CA5B: variants seen among roughly 807,000 people sequenced by gnomAD.
CA5B encodes the protein carbonic anhydrase 5B, mitochondrial.
Under a neutral mutation model 23.1 loss-of-function variants are expected in CA5B, and 15 were observed. The ratio of observed to expected loss-of-function variants is 0.65; its 90% CI spans 0.43 to 1.00. The LOEUF (loss-of-function observed/expected upper bound fraction) is 1.00, where lower values mean the gene tolerates loss of function less well. Ranked by LOEUF, CA5B falls within the 50% of genes least tolerant of loss-of-function variation. The pLI, the probability that CA5B is intolerant of heterozygous loss-of-function variation, is 0.00. For synonymous variants in CA5B, 84 were observed against 98.5 expected, an observed-to-expected ratio of 0.85 and a Z score of 0.87; for missense variants, 236 against 252.2, an observed-to-expected ratio of 0.94 and a Z score of 0.43.
intron 3 of CA5B, among the ~76,000 whole-genome samples, chrX:15,769,131 A>G (rs1931769633): frequency 8.9e-6 from 1 of 112,045 alleles, no homozygotes. Flanking sequence ...ACGAGCAGAA[A>G]TCAATGAAAT....
chrX:15,777,826 A>T (rs920070064), intron 7 of CA5B, among the ~76,000 whole-genome samples: 6 of 112,416 alleles, frequency 5.3e-5, no homozygotes, highest in African/African-American at 1.9e-4. Flanking sequence ...CTATCTTGAT[A>T]AAAGAGATTG....
chrX:15,771,014 C>T (rs1317930187), intron 3 of CA5B, among the ~76,000 whole-genome samples: 22 of 107,027 alleles, frequency 2.1e-4, no homozygotes, highest in Non-Finnish European at 3.9e-5. Context: ...ATGATCCGCC[C>T]GCCTCAGCCT....
chrX:15,767,158 C>T, intron 3 of CA5B: 4 of 700,305 alleles, frequency 5.7e-6, no homozygotes, highest in Non-Finnish European at 7.0e-6. Flanking sequence ...TTTGAATTCT[C>T]AACCCCATCT....
chrX:15,770,930 G>C (rs1482249707), intron 3 of CA5B, among the ~76,000 whole-genome samples: 1 of 109,140 alleles, frequency 9.2e-6, no homozygotes, highest in Non-Finnish European at 1.9e-5. Flanking sequence ...ACCATGCCCA[G>C]CTAATTTTTT....
intron 2 of CA5B, among the ~76,000 whole-genome samples, chrX:15,754,291 G>A: frequency 8.9e-6 from 1 of 112,686 alleles, no homozygotes; most frequent in Non-Finnish European, 1.9e-5. Context: ...ACTCAGTGTT[G>A]GCAGCTACTT....
chrX:15,758,696 T>C (rs977186567), intron 2 of CA5B, among the ~76,000 whole-genome samples: 3 of 110,616 alleles, frequency 2.7e-5, no homozygotes, highest in African/African-American at 9.9e-5. Flanking sequence ...TTACAAGAAA[T>C]GGTGTCTCCC....
chrX:15,766,958 T>C (rs1471471594), intron 3 of CA5B: 1 of 366,617 alleles, frequency 2.7e-6, no homozygotes, highest in Non-Finnish European at 4.9e-6. Flanking sequence ...ACCTTGTTTA[T>C]ACGGATTCCA....
At chrX:15,748,814 T>C (rs1316563131) in intron 1 of CA5B, among the ~76,000 whole-genome samples, 1 of 105,470 alleles carries the variant, frequency 9.5e-6, no homozygotes, top group African/African-American at 3.5e-5. Flanking sequence ...TTTGGGAGGC[T>C]TGAGGTGGGA....
At chrX:15,744,532 CTA>C (rs1360824272) in intron 1 of CA5B, among the ~76,000 whole-genome samples, 2 of 112,511 alleles carry the variant, frequency 1.8e-5, no homozygotes, top group African/African-American at 6.5e-5. Context: ...CCAAAAATTA[CTA>C]TGTCTCATTC....
At chrX:15,760,365 A>G (rs950541202) in intron 2 of CA5B, among the ~76,000 whole-genome samples, 1 of 111,254 alleles carries the variant, frequency 9.0e-6, no homozygotes, top group Admixed American at 9.6e-5. Flanking sequence ...CCCTCCCCAC[A>G]CAGTGAGTTG....
At chrX:15,741,613 C>T (rs1426509219) in intron 1 of CA5B, among the ~76,000 whole-genome samples, 1 of 109,569 alleles carries the variant, frequency 9.1e-6, no homozygotes, top group African/African-American at 3.3e-5. Flanking sequence ...CGAGTACAGG[C>T]GCCCGCCACC....
intron 3 of CA5B, chrX:15,768,824 A>G (rs780270018): frequency 8.9e-6 from 1 of 112,365 alleles, no homozygotes; most frequent in South Asian, 3.6e-4. Flanking sequence ...AACCTAATAA[A>G]TATCGATGTC....
chrX:15,744,396 A>T (rs1005406653), intron 1 of CA5B, among the ~76,000 whole-genome samples: 9 of 112,392 alleles, frequency 8.0e-5, no homozygotes, highest in African/African-American at 1.3e-4. Flanking sequence ...GTGTTCACTC[A>T]TCTGTTTGTA....
At chrX:15,773,718 A>C (rs1451769862) in intron 4 of CA5B, among the ~76,000 whole-genome samples, 1 of 110,427 alleles carries the variant, frequency 9.1e-6, no homozygotes, top group Non-Finnish European at 1.9e-5. Flanking sequence ...CTGCCCTGCT[A>C]ATTTTTAAAT....
intron 1 of CA5B, among the ~76,000 whole-genome samples, chrX:15,739,873 T>G (rs1027455729): frequency 8.9e-6 from 1 of 111,844 alleles, no homozygotes; most frequent in South Asian, 3.7e-4. Context: ...GCAAAAAGGC[T>G]TGTTGCCTTT....
intron 4 of CA5B, among the ~76,000 whole-genome samples, chrX:15,773,402 A>ATTTTTTTTTTTTTTTTTTTTTTTT (rs59351244): frequency 3.3e-5 from 1 of 30,512 alleles, no homozygotes. Context: ...TGCCCTGCTA[A>ATTTTTTTTTTTTTTTTTTTTTTTT]TTTTTTTTTT....
chrX:15,783,551 G>A lies in CA5B; in HGVS notation c.*887G>A, dbSNP rs1190108030. 9.0e-6 allele frequency: 1 copy of A among 110,503 alleles called. No homozygotes were observed. Among genetic ancestry groups the A allele is most frequent in the Non-Finnish European group, 1.9e-5 (1 of 52,892 alleles). The allele number at this position is 110,503 out of a possible 1,213,427, so 9.1% of individuals were successfully genotyped here. On this transcript the variant is annotated 3_prime_UTR_variant, in exon 8 of 8. Transcript: ENST00000318636. ...TCACACCTGTAATCCCAGCACTTTG[G>A]GAGGCTGAGGCGGGTAGCTCACTTG...
intron 1 of CA5B, among the ~76,000 whole-genome samples, chrX:15,738,661 C>T (rs752468312): frequency 9.0e-6 from 1 of 111,122 alleles, no homozygotes; most frequent in Non-Finnish European, 1.9e-5. Context: ...GGGGTGGGGG[C>T]GCGGGAGAGC....
chrX:15,748,425 A>G (rs917030300), intron 1 of CA5B, among the ~76,000 whole-genome samples: 3 of 111,493 alleles, frequency 2.7e-5, no homozygotes, highest in African/African-American at 9.8e-5. Context: ...CTTAACTCCT[A>G]TATCACTATT....
Sources: gnomAD v4.1 joint callset for allele counts (sites outside exome capture counted in the v4.1 genomes callset) on GRCh38, gnomAD v4.1.1 for gene constraint, MANE v1.5 for transcripts, NCBI Gene and HGNC (gene_info 2026-07-23, HGNC 2026-07-21) for gene names.